GBE1: variants seen among roughly 807,000 people sequenced by gnomAD.
The protein encoded by GBE1 is 1,4-alpha-glucan-branching enzyme.
Under a neutral mutation model 88.8 loss-of-function variants are expected in GBE1, and 70 were observed. That is an observed-to-expected ratio of 0.79 (90% CI 0.65 to 0.96). The LOEUF is 0.96. Ranked by LOEUF, GBE1 falls within the 40% of genes least tolerant of loss-of-function variation. GBE1 has a pLI of 0.00. For missense variants in GBE1, 872 were observed against 871.0 expected (o/e 1.00, Z -0.01); for synonymous variants, 284 against 300.1 (o/e 0.95, Z 0.56).
chr3:81,546,684 C>A (rs1321725745), intron 12 of GBE1, among the ~76,000 whole-genome samples: 1 of 151,554 alleles, frequency 6.6e-6, no homozygotes, highest in Non-Finnish European at 1.5e-5. Flanking sequence ...AAGTTACCCT[C>A]TATGGTCTAA....
chr3:81,708,263 A>G (rs915881003), intron 1 of GBE1, among the ~76,000 whole-genome samples: 1 of 152,086 alleles, frequency 6.6e-6, no homozygotes, highest in African/African-American at 2.4e-5. Context: ...AGGATGGCTT[A>G]TTCAATAAAA....
chr3:81,745,186 T>A (rs914926570), intron 1 of GBE1, among the ~76,000 whole-genome samples: 8 of 152,202 alleles, frequency 5.3e-5, no homozygotes, highest in African/African-American at 1.9e-4. Flanking sequence ...ATAGTACAGA[T>A]GTAAGAAAAA....
chr3:81,562,647 T>G (rs1351091618), intron 12 of GBE1, among the ~76,000 whole-genome samples: 2 of 151,988 alleles, frequency 1.3e-5, no homozygotes, highest in Non-Finnish European at 2.9e-5. Flanking sequence ...TTCAAGAAAT[T>G]ATAGCCATTT....
At chr3:81,607,101 GA>G (rs1262248378) in intron 7 of GBE1, among the ~76,000 whole-genome samples, 1 of 152,130 alleles carries the variant, frequency 6.6e-6, no homozygotes, top group African/African-American at 2.4e-5. Flanking sequence ...ATCATGCACA[GA>G]AAAGAAAAAG....
intron 1 of GBE1, among the ~76,000 whole-genome samples, chr3:81,752,025 A>AT (rs1706537250): frequency 6.6e-6 from 1 of 152,326 alleles, no homozygotes; most frequent in East Asian, 1.9e-4. Flanking sequence ...TCTGATTATC[A>AT]TATTTTGGGT....
Position 81,511,929 on chromosome 3 carries a change from G to A in GBE1, c.1935-12702C>T, listed in dbSNP as rs114645354. On this transcript the variant is annotated intron_variant, in intron 14 of 15. Transcript: ENST00000429644. ...TCACAATACGATTTACAATAGGAAA[G>A]GCAGGGAATCAACGTAGGTGCCCAT... Among the ~76,000 whole-genome samples the A allele has an allele frequency of 4.8e-3, 731 of 151,676 alleles. 8 individuals carry two copies. The highest frequency in any genetic ancestry group is 0.017 in the African/African-American group (696 of 41,424).
chr3:81,685,580 C>A (rs1287425183), intron 2 of GBE1, among the ~76,000 whole-genome samples: 3 of 152,094 alleles, frequency 2.0e-5, no homozygotes, highest in Non-Finnish European at 2.9e-5. Context: ...CAGGGTTTCA[C>A]CACGTTGGCC....
intron 7 of GBE1, among the ~76,000 whole-genome samples, chr3:81,631,303 C>T (rs1460668602): frequency 6.6e-6 from 1 of 152,172 alleles, no homozygotes; most frequent in African/African-American, 2.4e-5. Flanking sequence ...CACCTGGACA[C>T]TTAAAACATA....
chr3:81,659,398 T>C (rs1161430821), intron 3 of GBE1, among the ~76,000 whole-genome samples: 1 of 151,754 alleles, frequency 6.6e-6, no homozygotes, highest in Non-Finnish European at 1.5e-5. Flanking sequence ...TGCAGTGGCG[T>C]GATCTCGCCT....
At chr3:81,669,225 T>C (rs2107111814) in intron 3 of GBE1, among the ~76,000 whole-genome samples, 1 of 152,314 alleles carries the variant, frequency 6.6e-6, no homozygotes, top group East Asian at 1.9e-4. Context: ...AAGGAGCTGT[T>C]TGCTATTTAG....
chr3:81,567,444 T>C (rs370861090), intron 12 of GBE1, among the ~76,000 whole-genome samples: 3 of 152,228 alleles, frequency 2.0e-5, no homozygotes, highest in Non-Finnish European at 2.9e-5. Flanking sequence ...GAAATACCAA[T>C]TTTATTTATC....
intron 2 of GBE1, among the ~76,000 whole-genome samples, chr3:81,697,648 T>C (rs1347664199): frequency 6.6e-6 from 1 of 152,162 alleles, no homozygotes; most frequent in Non-Finnish European, 1.5e-5. Flanking sequence ...CCCCAATGTG[T>C]TCAGCTATCA....
At chr3:81,713,624 G>A (rs1191195744) in intron 1 of GBE1, among the ~76,000 whole-genome samples, 2 of 152,144 alleles carry the variant, frequency 1.3e-5, no homozygotes, top group Admixed American at 6.6e-5. Flanking sequence ...AGACAAGAGT[G>A]AGCAATGAAA....
At position 81,514,911 on chromosome 3, in the gene GBE1, C is replaced by A. The variant is rs1449717896; in HGVS notation, c.1935-15684G>T. The stretch of plus-strand genomic sequence containing the variant: ...GCCAGAAGGAAAAGTAATATAACAT[C>A]CATGTCATAAATTTAGTTTAGACAT... On this transcript the variant is annotated intron_variant, in intron 14 of 15. Coordinates refer to ENST00000429644, the MANE Select transcript of GBE1 (RefSeq NM_000158.4). 2.0e-5 allele frequency among the ~76,000 whole-genome samples: 3 copies of A among 151,474 alleles called. No individual in the cohort carries two copies. The Admixed American group carries it at 2.0e-4, about 10-fold the overall frequency.
chr3:81,535,468 A>G, intron 13 of GBE1, 143 bp from the exon 14 acceptor site: 1 of 820,486 alleles, frequency 1.2e-6, no homozygotes, highest in Non-Finnish European at 1.8e-6. Context: ...ACATGTTACA[A>G]TTTTGCTGTA....
chr3:81,630,681 A>C (rs1704494966), intron 7 of GBE1, among the ~76,000 whole-genome samples: 1 of 152,184 alleles, frequency 6.6e-6, no homozygotes, highest in Non-Finnish European at 1.5e-5. Flanking sequence ...GATGTGCCCT[A>C]AGTGTAAAAT....
chr3:81,704,024 G>T (rs1705737639), intron 2 of GBE1, among the ~76,000 whole-genome samples: 2 of 151,934 alleles, frequency 1.3e-5, no homozygotes, highest in South Asian at 4.1e-4. Context: ...TACTGTATTT[G>T]CAATGAAAAC....
intron 14 of GBE1, among the ~76,000 whole-genome samples, chr3:81,522,902 C>T (rs1465237065): frequency 4.0e-5 from 6 of 151,412 alleles, no homozygotes; most frequent in South Asian, 2.1e-4. Context: ...ATCATTGCAA[C>T]TTATAACTAG....
At chr3:81,543,419 G>T (rs1703167684) in intron 12 of GBE1, among the ~76,000 whole-genome samples, 1 of 151,928 alleles carries the variant, frequency 6.6e-6, no homozygotes, top group Non-Finnish European at 1.5e-5. Flanking sequence ...TTTCATATTT[G>T]GTTCAAAACC....
Sources: gnomAD v4.1 joint callset for allele counts (sites outside exome capture counted in the v4.1 genomes callset) on GRCh38, gnomAD v4.1.1 for gene constraint, MANE v1.5 for transcripts, NCBI Gene and HGNC (gene_info 2026-07-23, HGNC 2026-07-21) for gene names.